PTPRD: variants seen among roughly 807,000 people sequenced by gnomAD.
The protein encoded by PTPRD is receptor-type tyrosine-protein phosphatase delta.
Under a neutral mutation model 214.5 loss-of-function variants are expected in PTPRD, and 34 were observed. The ratio of observed to expected loss-of-function variants is 0.16; its 90% CI spans 0.12 to 0.21. PTPRD has a LOEUF of 0.21. Ranked by LOEUF, PTPRD falls within the 10% of genes least tolerant of loss-of-function variation. The probability of loss-of-function intolerance (pLI) is 1.00; values close to 1 mark genes in which losing one functional copy is unlikely to be tolerated. For synonymous variants in PTPRD, 1,128 were observed against 845.7 expected, an observed-to-expected ratio of 1.33 and a Z score of -5.79; for missense variants, 2,545 against 2,398.7, an observed-to-expected ratio of 1.06 and a Z score of -1.27.
chr9:10,533,560 G>C (rs947664755), intron 2 of PTPRD, among the ~76,000 whole-genome samples: 5 of 151,348 alleles, frequency 3.3e-5, no homozygotes, highest in African/African-American at 7.3e-5. Context: ...GTATTAAAGA[G>C]TATGAAACAC....
intron 8 of PTPRD, among the ~76,000 whole-genome samples, chr9:9,419,447 G>A (rs925905708): frequency 6.6e-6 from 1 of 151,694 alleles, no homozygotes; most frequent in Admixed American, 6.6e-5. Flanking sequence ...CTTGATAAGT[G>A]AAAGTAATAT....
chr9:10,085,745 C>A (rs2098326877), intron 3 of PTPRD, among the ~76,000 whole-genome samples: 1 of 151,778 alleles, frequency 6.6e-6, no homozygotes, highest in African/African-American at 2.4e-5. Context: ...TTAGCAACAA[C>A]TCCCCAGGTG....
At chr9:9,937,785 T>C (rs906184161) in intron 5 of PTPRD, among the ~76,000 whole-genome samples, 1 of 152,172 alleles carries the variant, frequency 6.6e-6, no homozygotes, top group African/African-American at 2.4e-5. Context: ...ATGTAGTTCT[T>C]ACAGTGTATG....
At chr9:9,666,069 T>C (rs1369104599) in intron 7 of PTPRD, among the ~76,000 whole-genome samples, 1 of 151,888 alleles carries the variant, frequency 6.6e-6, no homozygotes, top group East Asian at 1.9e-4. Flanking sequence ...TCTGGAGTTA[T>C]TCGGTAACTA....
intron 2 of PTPRD, among the ~76,000 whole-genome samples, chr9:10,399,255 G>A (rs146618369): frequency 1.7e-4 from 26 of 152,088 alleles, no homozygotes; most frequent in Non-Finnish European, 2.8e-4. Context: ...GTATTTATCA[G>A]AGAATGGGAA....
At chr9:10,165,920 T>C (rs1029544483) in intron 3 of PTPRD, among the ~76,000 whole-genome samples, 2 of 150,838 alleles carry the variant, frequency 1.3e-5, no homozygotes, top group Non-Finnish European at 3.0e-5. Context: ...AATATATAGA[T>C]CTATGCAGAC....
At chr9:10,487,376 T>C (rs561959471) in intron 2 of PTPRD, among the ~76,000 whole-genome samples, 21 of 152,346 alleles carry the variant, frequency 1.4e-4, no homozygotes, top group African/African-American at 3.8e-4. Flanking sequence ...TCTTCCTTCT[T>C]TCTTCCCTTC....
intron 2 of PTPRD, among the ~76,000 whole-genome samples, chr9:10,566,351 C>A (rs1428272186): frequency 1.3e-5 from 2 of 151,836 alleles, no homozygotes; most frequent in Non-Finnish European, 2.9e-5. Context: ...TAGTATTTTA[C>A]AAAAAGGATG....
intron 11 of PTPRD, among the ~76,000 whole-genome samples, chr9:9,011,530 G>A (rs1038916979): frequency 6.6e-6 from 1 of 152,124 alleles, no homozygotes; most frequent in African/African-American, 2.4e-5. Context: ...CTAAGACTCA[G>A]AATGCAGTAG....
intron 5 of PTPRD, among the ~76,000 whole-genome samples, chr9:9,821,651 G>T (rs748620969): frequency 6.6e-6 from 1 of 151,922 alleles, no homozygotes; most frequent in African/African-American, 2.4e-5. Flanking sequence ...GTTGCCACAC[G>T]TATTTTTAAG....
chr9:9,139,890 A>C (rs187765515), intron 10 of PTPRD, among the ~76,000 whole-genome samples: 1 of 152,282 alleles, frequency 6.6e-6, no homozygotes, highest in East Asian at 1.9e-4. Flanking sequence ...CAGACTAATT[A>C]GTGTAAAAAT....
intron 10 of PTPRD, among the ~76,000 whole-genome samples, chr9:9,167,346 G>C (rs903547172): frequency 5.3e-5 from 8 of 151,592 alleles, no homozygotes; most frequent in Admixed American, 2.0e-4. Context: ...GTGTGTGTGT[G>C]TGTGTGTGTG....
intron 5 of PTPRD, among the ~76,000 whole-genome samples, chr9:9,785,732 T>C (rs1025070034): frequency 6.6e-6 from 1 of 152,124 alleles, no homozygotes; most frequent in Admixed American, 6.5e-5. Flanking sequence ...ATGTCTCATA[T>C]TAATTAATAT....
chr9:9,873,744 A>C (rs181756042), intron 5 of PTPRD, among the ~76,000 whole-genome samples: 1 of 152,194 alleles, frequency 6.6e-6, no homozygotes, highest in African/African-American at 2.4e-5. Flanking sequence ...TTTAATTAAA[A>C]TATTCTTTCT....
intron 11 of PTPRD, among the ~76,000 whole-genome samples, chr9:8,937,607 T>G (rs1010468405): frequency 1.3e-5 from 2 of 152,186 alleles, no homozygotes; most frequent in Non-Finnish European, 2.9e-5. Context: ...AGCTTTGCAT[T>G]GCAGCTTGGA....
intron 44 of PTPRD, among the ~76,000 whole-genome samples, chr9:8,325,895 C>T (rs1833187888): frequency 6.6e-6 from 1 of 152,070 alleles, no homozygotes; most frequent in African/African-American, 2.4e-5. Context: ...TATAGGAATG[C>T]TTGTGATTTT....
intron 8 of PTPRD, among the ~76,000 whole-genome samples, chr9:9,547,708 G>A (rs1405477297): frequency 6.6e-6 from 1 of 151,638 alleles, no homozygotes; most frequent in Admixed American, 6.6e-5. Flanking sequence ...AGTATTTGAA[G>A]GCTATTTTCC....
At chr9:9,596,996 C>A (rs1304139787) in intron 7 of PTPRD, among the ~76,000 whole-genome samples, 1 of 151,950 alleles carries the variant, frequency 6.6e-6, no homozygotes, top group East Asian at 1.9e-4. Flanking sequence ...TGCCTCCAGA[C>A]TGACAAGTAA....
intron 11 of PTPRD, among the ~76,000 whole-genome samples, chr9:8,806,808 A>C (rs10815953): frequency 0.5 from 76,640 of 151,990 alleles, 20,801 homozygotes; most frequent in Non-Finnish European, 0.59. Flanking sequence ...ACTTTGCCCA[A>C]ATTAAGTACT....
Sources: gnomAD v4.1 joint callset for allele counts (sites outside exome capture counted in the v4.1 genomes callset) on GRCh38, gnomAD v4.1.1 for gene constraint, MANE v1.5 for transcripts, NCBI Gene and HGNC (gene_info 2026-07-23, HGNC 2026-07-21) for gene names.